Variants in SCN9A observed in about 807,000 individuals in gnomAD.
The protein encoded by SCN9A is sodium channel protein type 9 subunit alpha.
Under a neutral mutation model 187.0 loss-of-function variants are expected in SCN9A, and 131 were observed. The ratio of observed to expected loss-of-function variants is 0.70; its 90% CI spans 0.61 to 0.81. SCN9A has a LOEUF of 0.81. Among genes scored for constraint, SCN9A ranks in the 30% least tolerant of loss-of-function variants. The probability of loss-of-function intolerance (pLI) is 0.00; values close to 1 mark genes in which losing one functional copy is unlikely to be tolerated. For synonymous variants in SCN9A, 809 were observed against 808.6 expected (o/e 1.00, Z -0.01); for missense variants, 2,252 against 2,396.6 (o/e 0.94, Z 1.26).
At chr2:166,248,974 C>A (rs1023423667) in intron 18 of SCN9A, among the ~76,000 whole-genome samples, 1 of 151,950 alleles carries the variant, frequency 6.6e-6, no homozygotes, top group Non-Finnish European at 1.5e-5. Context: ...CAGCCTCTGA[C>A]CTTAACTTTT....
intron 24 of SCN9A, among the ~76,000 whole-genome samples, chr2:166,215,667 A>G (rs1694299058): frequency 6.6e-6 from 1 of 151,916 alleles, no homozygotes; most frequent in Non-Finnish European, 1.5e-5. Context: ...AGAAGGAATG[A>G]ACTAATCTTT....
At chr2:166,203,751 C>T in intron 26 of SCN9A, among the ~76,000 whole-genome samples, 1 of 151,870 alleles carries the variant, frequency 6.6e-6, no homozygotes, top group East Asian at 1.9e-4. Flanking sequence ...AAATATTTGG[C>T]TTTGGGGCCT....
At chr2:166,297,521 A>G (rs1177783212) in intron 7 of SCN9A, among the ~76,000 whole-genome samples, 2 of 152,170 alleles carry the variant, frequency 1.3e-5, no homozygotes, top group African/African-American at 4.8e-5. Flanking sequence ...AAAAAGCCAT[A>G]TATTATATGC....
chr2:166,227,291 C>G (rs1023041990), intron 23 of SCN9A, among the ~76,000 whole-genome samples: 7 of 152,132 alleles, frequency 4.6e-5, no homozygotes, highest in Admixed American at 4.6e-4. Context: ...GTAATGCCAG[C>G]CTGCACTAAG....
chr2:166,329,706 T>G (rs1358024741), intron 1 of SCN9A, among the ~76,000 whole-genome samples: 1 of 152,092 alleles, frequency 6.6e-6, no homozygotes, highest in African/African-American at 2.4e-5. Context: ...AACCAGCAGG[T>G]AAACAATTAC....
At chr2:166,208,117 C>G (rs867665387) in intron 24 of SCN9A, among the ~76,000 whole-genome samples, 3 of 152,132 alleles carry the variant, frequency 2.0e-5, no homozygotes, top group African/African-American at 7.2e-5. Flanking sequence ...CTTATTTAGG[C>G]CTTGTGCAAA....
At chr2:166,323,850 A>T (rs1055220754) in intron 1 of SCN9A, among the ~76,000 whole-genome samples, 4 of 151,956 alleles carry the variant, frequency 2.6e-5, no homozygotes, top group Non-Finnish European at 4.4e-5. Flanking sequence ...TCTCCCAGAT[A>T]ATTCCTTTAA....
chr2:166,247,797 T>G (rs938609725), intron 18 of SCN9A, among the ~76,000 whole-genome samples: 1 of 152,144 alleles, frequency 6.6e-6, no homozygotes. Context: ...TTATGTAATT[T>G]ACTAATTTGA....
chr2:166,204,407 T>G lies in SCN9A; in HGVS notation c.4456A>C (p.Lys1486Gln). The change falls in exon 25 of 27, where the codon AAA (lysine) becomes CAA (glutamine). Residue 1486 changes from lysine (K) to glutamine (Q), a missense_variant. By Grantham distance (53) the Lys-to-Gln change is moderately conservative. This residue lies in a region of SCN9A where 368 missense variants were observed against 408.6 expected (regional missense o/e 0.90). Transcript: ENST00000642356. ...TGTGGCTTCTTGGACCCCAGCTTTT[T>G]CATTGCATTATAGTATTTCTTCTGT... ...EEQKKYYNAMKKLGSKKPQKP... is the reference protein window; with the variant it reads ...EEQKKYYNAMQKLGSKKPQKP... 1 of 1,609,880 alleles carries G rather than the reference T, an allele frequency of 6.2e-7. No individual in the cohort carries two copies. Among genetic ancestry groups the G allele is most frequent in the Non-Finnish European group, 8.5e-7 (1 of 1,178,216 alleles).
At chr2:166,251,981 A>C in intron 17 of SCN9A, 96 bp from the exon 18 acceptor site, 3 of 1,397,048 alleles carry the variant, frequency 2.1e-6, no homozygotes, top group Non-Finnish European at 3.0e-6. Flanking sequence ...CATGCAAAGT[A>C]TTATGAAAAA....
chr2:166,241,620 A>G (rs1695568458), intron 19 of SCN9A, among the ~76,000 whole-genome samples: 1 of 152,124 alleles, frequency 6.6e-6, no homozygotes, highest in Non-Finnish European at 1.5e-5. Context: ...TTGCCTAACT[A>G]GAAAATTCCT....
At chr2:166,290,545 T>A (rs1446983296) in intron 9 of SCN9A, among the ~76,000 whole-genome samples, 2 of 152,172 alleles carry the variant, frequency 1.3e-5, no homozygotes, top group East Asian at 3.9e-4. Context: ...AGTGTAAAAG[T>A]GCTACTATTT....
intron 1 of SCN9A, among the ~76,000 whole-genome samples, chr2:166,347,970 G>T (rs932428056): frequency 8.5e-5 from 13 of 152,198 alleles, no homozygotes; most frequent in African/African-American, 3.1e-4. Flanking sequence ...TTGAATTCCA[G>T]ATAAGTCCAG....
rs1695178401 is a variant in SCN9A, at chr2:166,233,341, C to T, written c.3923G>A (p.Arg1308Lys). ...LRALSRFEGMRVVVNALIGAI... is the reference protein window; with the variant it reads ...LRALSRFEGMKVVVNALIGAI... ...TTATAAAGTTTAGTATTTTCTTACC[C>T]TCATTCCTTCAAATCTAGATAAGGC... The change falls in exon 21 of 27, where the codon AGG becomes AAG. Residue 1308 changes from arginine to lysine, a missense_variant and splice_region_variant. Around this residue, in one of 7 missense-constraint regions of SCN9A, gnomAD observed 368 missense variants for 408.6 expected, o/e 0.90. Transcript: ENST00000642356. The T allele has an allele frequency of 6.5e-7, 1 of 1,528,026 alleles. No individual in the cohort carries two copies. Among genetic ancestry groups the T allele is most frequent in the Non-Finnish European group, 8.7e-7 (1 of 1,145,392 alleles). The allele number at this position is 1,528,026 out of a possible 1,614,324, so 94.7% of individuals were successfully genotyped here. A position where few individuals can be genotyped will look rare whatever the true frequency, so the allele number is the denominator to read the frequency against.
chr2:166,370,559 A>T (rs894520726), intron 1 of SCN9A, among the ~76,000 whole-genome samples: 2 of 148,254 alleles, frequency 1.3e-5, no homozygotes, highest in Non-Finnish European at 3.0e-5. Context: ...ATAAAAAATA[A>T]AAAAAAAAAA....
At chr2:166,313,890 A>G (rs1228128676) in intron 1 of SCN9A, among the ~76,000 whole-genome samples, 1 of 152,084 alleles carries the variant, frequency 6.6e-6, no homozygotes, top group African/African-American at 2.4e-5. Context: ...TTACTTGAAC[A>G]TTAGGGGTGG....
chr2:166,338,568 C>A (rs1256273406), intron 1 of SCN9A, among the ~76,000 whole-genome samples: 1 of 152,074 alleles, frequency 6.6e-6, no homozygotes, highest in Non-Finnish European at 1.5e-5. Context: ...TGCCCCACTT[C>A]CTATAATGTT....
intron 5 of SCN9A, among the ~76,000 whole-genome samples, chr2:166,305,100 C>T (rs991290631): frequency 4.0e-5 from 6 of 151,860 alleles, no homozygotes; most frequent in African/African-American, 1.5e-4. Flanking sequence ...ATCTTAAGAC[C>T]CTTCTGTATT....
intron 20 of SCN9A, 120 bp from the exon 21 acceptor site, chr2:166,233,582 G>T: frequency 1.5e-6 from 1 of 656,572 alleles, no homozygotes; most frequent in Non-Finnish European, 2.4e-6. Context: ...TATATACGGA[G>T]TTGTGTAGTC....
Sources: allele counts gnomAD v4.1 joint callset (sites outside exome capture counted in the v4.1 genomes callset), GRCh38; gene constraint gnomAD v4.1.1; regional missense constraint gnomAD v4.1.1; transcripts MANE v1.5; gene names NCBI Gene and HGNC (gene_info 2026-07-23, HGNC 2026-07-21).